Variants in TBX22 observed in about 807,000 individuals in gnomAD.
TBX22 encodes the protein T-box transcription factor 22, also known as T-box transcription factor TBX22.
TBX22 carries 8 observed loss-of-function variants against 30.1 expected under a neutral mutation model. That is an observed-to-expected ratio of 0.27 (90% CI 0.16 to 0.48). The LOEUF (loss-of-function observed/expected upper bound fraction) is 0.48, where lower values mean the gene tolerates loss of function less well. TBX22 is among the 20% of genes least tolerant of loss of function. TBX22 has a pLI of 0.99. For missense variants in TBX22, 463 were observed against 400.5 expected (o/e 1.16, Z -1.33); for synonymous variants, 173 against 149.1 (o/e 1.16, Z -1.17).
chrX:80,023,996 C>T (rs1177348563), intron 3 of TBX22, 67 bp from the exon 4 acceptor site: 1 of 1,061,682 alleles, frequency 9.4e-7, no homozygotes, highest in African/African-American at 1.8e-5. Flanking sequence ...AGCATTTGTC[C>T]AGAAACACTC....
chrX:80,026,965 A>G (rs1275221019), intron 6 of TBX22, 97 bp downstream of exon 6: 4 of 876,575 alleles, frequency 4.6e-6, no homozygotes, highest in Non-Finnish European at 6.7e-6. Context: ...ATTTTCCACA[A>G]TTCTAAATAA....
chrX:80,026,831 CT>C lies in TBX22; in HGVS notation c.762del (p.Glu255SerfsTer5). 1 of 1,211,865 alleles carries C rather than the reference CT, an allele frequency of 8.3e-7. No individual in the cohort carries two copies. The highest frequency in any genetic ancestry group is 1.1e-6 in the Non-Finnish European group (1 of 895,504). Reference sequence around the variant, plus strand: ...GTTAAAACATTCTCCTTTAAAGAAACTGAGTTCACCACAGTAACGGCTTACC... The same window carrying C: ...GTTAAAACATTCTCCTTTAAAGAAACGAGTTCACCACAGTAACGGCTTACC... ...EGVKTFSFKETEFTTVTAYQN... is the reference protein window; with the variant it reads ...EGVKTFSFKEXEFTTVTAYQN... On this transcript the variant is annotated frameshift_variant, in exon 6 of 9. Transcript: ENST00000373296. LOFTEE classifies it high-confidence loss of function.
intron 1 of TBX22, among the ~76,000 whole-genome samples, chrX:80,018,379 G>A (rs771342191): frequency 6.3e-5 from 7 of 111,634 alleles, no homozygotes; most frequent in African/African-American, 2.3e-4. Flanking sequence ...ATGGATTTTT[G>A]AAATTCAAAT....
In TBX22 at chrX:80,029,697, C is replaced by G. The variant is rs755690850; in HGVS notation, c.950-801C>G. 7.1e-5 allele frequency among the ~76,000 whole-genome samples: 8 copies of G among 112,283 alleles called. No homozygotes were observed. In the South Asian group the frequency reaches 2.9e-3, roughly 41 times the overall value. On this transcript the variant is annotated intron_variant, in intron 8 of 8. Coordinates refer to ENST00000373296, the MANE Select transcript of TBX22 (RefSeq NM_001109878.2). ...CGTACATGAAATCTATACATTCTAT[C>G]TATAAACTAAATCTATATAATCCCA...
chrX:80,026,274 C>T (rs1923969343), intron 5 of TBX22, among the ~76,000 whole-genome samples: 1 of 111,645 alleles, frequency 9.0e-6, no homozygotes, highest in African/African-American at 3.3e-5. Context: ...TAGGTGCACC[C>T]CAGCTTCTGT....
chrX:80,025,872 C>A, intron 5 of TBX22, 95 bp downstream of exon 5: 1 of 797,645 alleles, frequency 1.3e-6, no homozygotes. Flanking sequence ...TTTGCAGATG[C>A]ACATGTTGTG....
chrX:80,024,218 G>T (rs1923861839), intron 4 of TBX22, 54 bp downstream of exon 4: 5 of 1,059,632 alleles, frequency 4.7e-6, no homozygotes, highest in Non-Finnish European at 6.6e-6. Flanking sequence ...CAGGGATTTG[G>T]ACCTTCAGAC....
chrX:80,028,969 C>T (rs75677668), intron 8 of TBX22, among the ~76,000 whole-genome samples: 1 of 100,205 alleles, frequency 1.0e-5, no homozygotes, highest in Non-Finnish European at 2.0e-5. Flanking sequence ...AAAAAAAAAA[C>T]ACTTATTTTA....
At chrX:80,017,122 C>A (rs1484380954) in intron 1 of TBX22, among the ~76,000 whole-genome samples, 2 of 108,534 alleles carry the variant, frequency 1.8e-5, no homozygotes, top group Non-Finnish European at 3.8e-5. Context: ...AATGACCTAA[C>A]CTAAAAATTC....
At chrX:80,027,940 A>G in intron 7 of TBX22, 51 bp from the exon 8 acceptor site, 1 of 951,354 alleles carries the variant, frequency 1.1e-6, no homozygotes, top group Non-Finnish European at 1.5e-6. Flanking sequence ...CAAAATCATT[A>G]TTTTCAGAAA....
Position 80,030,913 on chromosome X carries a change from G to A in TBX22, c.1365G>A (p.Leu455=). The A allele has an allele frequency of 1.7e-6, 2 of 1,211,263 alleles. No individual in the cohort carries two copies. Among genetic ancestry groups the A allele is most frequent in the Non-Finnish European group, 2.2e-6 (2 of 894,981 alleles). Residue 455 remains leucine (L), a synonymous_variant, in exon 9 of 9, where the codon CTG becomes CTA. Transcript: ENST00000373296. ...TACAGTCACCTGGAAATATTTTTCT[G>A]CCAAACTCCATCACCCCAGAAGCAC... ...YGLQSPGNIF[L]PNSITPEALS... is the part of the protein sequence containing the mutation.
chrX:80,025,717 G>T lies in TBX22; in HGVS notation c.573G>T (p.Arg191=). Residue 191 remains arginine, a synonymous_variant, in exon 5 of 9, where the codon CGG becomes CGT. Coordinates refer to ENST00000373296, the MANE Select transcript of TBX22 (RefSeq NM_001109878.2). The part of the protein sequence containing the change: ...DSPCSGETWM[R]QIISFDRMKL... ...CCTGCTCGGGAGAGACCTGGATGCG[G>T]CAGATCATCAGCTTTGATCGCATGA... The T allele has an allele frequency of 8.3e-7, 1 of 1,211,091 alleles. No homozygotes were observed. The highest frequency in any genetic ancestry group is 1.1e-6 in the Non-Finnish European group (1 of 895,007).
At chrX:80,018,407 T>A in intron 1 of TBX22, among the ~76,000 whole-genome samples, 1 of 112,056 alleles carries the variant, frequency 8.9e-6, no homozygotes, top group Non-Finnish European at 1.9e-5. Context: ...TTTGGTTTAA[T>A]TCACTAATTT....
chrX:80,022,817 TAAA>T (rs1204799825), intron 2 of TBX22, among the ~76,000 whole-genome samples: 5 of 64,119 alleles, frequency 7.8e-5, no homozygotes, highest in Non-Finnish European at 9.1e-5. Flanking sequence ...TTGGCAAATC[TAAA>T]AAAAAAAAAA....
intron 1 of TBX22, among the ~76,000 whole-genome samples, chrX:80,021,030 T>C (rs1387400552): frequency 3.6e-5 from 4 of 111,226 alleles, no homozygotes; most frequent in Non-Finnish European, 3.8e-5. Context: ...TCTGCATACG[T>C]AAACATGCTC....
intron 2 of TBX22, among the ~76,000 whole-genome samples, chrX:80,022,849 G>A (rs186431099): frequency 5.5e-5 from 6 of 108,436 alleles, no homozygotes; most frequent in Non-Finnish European, 1.2e-4. Flanking sequence ...TGGTGTGGGC[G>A]GGGGGTAGGT....
chrX:80,022,293 T>C lies in TBX22; in HGVS notation c.24T>C (p.Arg8=). Residue 8 remains arginine (R), a synonymous_variant, in exon 2 of 9, where the codon CGT becomes CGC. Coordinates refer to ENST00000373296, the MANE Select transcript of TBX22 (RefSeq NM_001109878.2). ...GGATGGCTCTGAGCTCTCGGGCGCG[T>C]GCCTTCTCCGTGGAAGCCTTGGTGG... MALSSRA[R]AFSVEALVGR... is the part of the protein sequence containing the mutation. 2 of 1,211,428 alleles carry C rather than the reference T, an allele frequency of 1.7e-6. No homozygotes were observed. Among genetic ancestry groups the C allele is most frequent in the Non-Finnish European group, 2.2e-6 (2 of 895,444 alleles).
intron 8 of TBX22, among the ~76,000 whole-genome samples, 173 bp downstream of exon 8, chrX:80,028,249 G>C (rs1924077322): frequency 8.9e-6 from 1 of 112,244 alleles, no homozygotes; most frequent in African/African-American, 3.2e-5. Context: ...TAAAGGGAGA[G>C]AAGCTGGCAT....
In TBX22 at chrX:80,026,728, T is replaced by G. The variant is rs1449258747; in HGVS notation, c.658T>G (p.Tyr220Asp). The change falls in exon 6 of 9, where the codon TAC (tyrosine) becomes GAC (aspartate). Residue 220 changes from tyrosine to aspartate, a missense_variant. Coordinates refer to ENST00000373296, the MANE Select transcript of TBX22 (RefSeq NM_001109878.2). ...GHIILQSMHK[Y>D]KPRVHVIEQG... ...GATCATTCTGCAATCCATGCATAAG[T>G]ACAAACCCCGAGTGCACGTGATAGA... The G allele has an allele frequency of 8.3e-7, 1 of 1,211,641 alleles. No homozygotes were observed.
Sources: allele counts gnomAD v4.1 joint callset (sites outside exome capture counted in the v4.1 genomes callset), GRCh38; gene constraint gnomAD v4.1.1; transcripts MANE v1.5; gene names NCBI Gene and HGNC (gene_info 2026-07-23, HGNC 2026-07-21).